Variants in STK3 observed in about 807,000 individuals in gnomAD.
STK3 encodes serine/threonine kinase 3, also known as serine/threonine-protein kinase 3.
Under a neutral mutation model 58.0 loss-of-function variants are expected in STK3, and 41 were observed. The observed-to-expected ratio is 0.71, with a 90% confidence interval of 0.55 to 0.92. The LOEUF is 0.92. STK3 is among the 40% of genes least tolerant of loss of function. The pLI is 0.00. For synonymous variants in STK3, 170 were observed against 191.0 expected, an observed-to-expected ratio of 0.89 and a Z score of 0.91; for missense variants, 479 against 602.7, an observed-to-expected ratio of 0.79 and a Z score of 2.15.
At chr8:98,368,182 C>T (rs149010331), downstream of STK3, among the ~76,000 whole-genome samples, 2,893 of 152,286 alleles carry the variant, frequency 0.019, 112 homozygotes, top group African/African-American at 0.065. Context: ...GTGAAAACTA[C>T]GTCAGTTACT....
intron 4 of STK3, among the ~76,000 whole-genome samples, chr8:98,712,867 T>A (rs1826616518): frequency 6.6e-6 from 1 of 152,120 alleles, no homozygotes; most frequent in Admixed American, 6.5e-5. Flanking sequence ...ATTACAAAAT[T>A]GACCACATAG....
intron 1 of STK3, among the ~76,000 whole-genome samples, chr8:98,886,003 C>G (rs1386201518): frequency 1.3e-5 from 2 of 152,054 alleles, no homozygotes; most frequent in African/African-American, 4.8e-5. Flanking sequence ...CTTAAAATGA[C>G]CAGATGATAG....
chr8:98,406,656 C>A (rs1179136789), intron 3 of STK3, among the ~76,000 whole-genome samples: 1 of 152,174 alleles, frequency 6.6e-6, no homozygotes, highest in Non-Finnish European at 1.5e-5. Flanking sequence ...CTGGCTCTAG[C>A]CTGACTGAGA....
intron 6 of STK3, among the ~76,000 whole-genome samples, chr8:98,629,915 T>C (rs773822051): frequency 6.6e-6 from 1 of 152,150 alleles, no homozygotes; most frequent in African/African-American, 2.4e-5. Flanking sequence ...TCTGGGACTA[T>C]TAGAATAGTC....
chr8:98,710,525 C>T (rs961758487), intron 4 of STK3, among the ~76,000 whole-genome samples: 9 of 152,210 alleles, frequency 5.9e-5, no homozygotes, highest in African/African-American at 2.2e-4. Flanking sequence ...GTCCTACACC[C>T]ATGGAGCCTC....
At chr8:98,561,385 T>C (rs920225704) in intron 8 of STK3, among the ~76,000 whole-genome samples, 1 of 151,218 alleles carries the variant, frequency 6.6e-6, no homozygotes, top group African/African-American at 2.4e-5. Context: ...CCATATAACA[T>C]GCAAAACCAT....
At chr8:98,630,460 A>T (rs1339732583) in intron 6 of STK3, among the ~76,000 whole-genome samples, 1 of 152,012 alleles carries the variant, frequency 6.6e-6, no homozygotes, top group Non-Finnish European at 1.5e-5. Flanking sequence ...TGGGCAACAC[A>T]ATGAGACCCC....
intron 1 of STK3, among the ~76,000 whole-genome samples, chr8:98,449,342 T>C (rs1234949221): frequency 2.6e-5 from 4 of 152,210 alleles, no homozygotes; most frequent in Non-Finnish European, 2.9e-5. Context: ...TGCCTCCAGA[T>C]AGTTCCTTTA....
At chr8:98,680,535 C>T (rs555334048) in intron 6 of STK3, among the ~76,000 whole-genome samples, 2 of 152,200 alleles carry the variant, frequency 1.3e-5, no homozygotes, top group East Asian at 3.8e-4. Context: ...CTTACTACAG[C>T]TGCCAGGTAA....
At chr8:98,825,430 C>T in intron 1 of STK3, 85 bp downstream of exon 1, 1 of 1,257,800 alleles carries the variant, frequency 8.0e-7, no homozygotes, top group Non-Finnish European at 1.0e-6. Flanking sequence ...CGGGGAGAGG[C>T]TCGCAGCAGG....
At chr8:98,937,847 C>T (rs16897135) in intron 1 of STK3, among the ~76,000 whole-genome samples, 1 of 152,212 alleles carries the variant, frequency 6.6e-6, no homozygotes, top group Admixed American at 6.5e-5. Flanking sequence ...AAATATTGGC[C>T]TTGGCATTTC....
At chr8:98,838,983 TTG>T (rs1377000842) in intron 3 of STK3, among the ~76,000 whole-genome samples, 3 of 137,530 alleles carry the variant, frequency 2.2e-5, no homozygotes, top group Non-Finnish European at 3.2e-5. Context: ...TTTTGTTTGT[TTG>T]TTTTGTGTGT....
At chr8:98,430,657 T>A (rs1288048197) in intron 3 of STK3, 1 of 167,116 alleles carries the variant, frequency 6.0e-6, no homozygotes, top group Admixed American at 6.5e-5. Flanking sequence ...AATATAGACG[T>A]GCACGATGGT....
rs561306384 is a variant in STK3, at chr8:98,589,453, C to G, written c.822+6579G>C. 1.4e-4 allele frequency among the ~76,000 whole-genome samples: 21 copies of G among 152,340 alleles called. No homozygotes were observed. The South Asian group carries it at 1.4e-3, about 11-fold the overall frequency. The stretch of plus-strand genomic sequence containing the variant: ...ACCCACTTAAGGAGGCAGTCTGCCC[C>G]TTCTCAGATCTCCAGCTGCATACTG... On this transcript the variant is annotated intron_variant, in intron 7 of 10. Transcript: ENST00000419617.
the STK3 span, among the ~76,000 whole-genome samples, chr8:98,363,636 C>G: frequency 6.6e-6 from 1 of 152,246 alleles, no homozygotes; most frequent in Non-Finnish European, 1.5e-5. Flanking sequence ...CTCCAGTCCT[C>G]AAGGAACATG....
intron 10 of STK3, among the ~76,000 whole-genome samples, chr8:98,496,669 A>G (rs757751879): frequency 3.3e-5 from 5 of 152,192 alleles, no homozygotes; most frequent in Non-Finnish European, 7.4e-5. Flanking sequence ...GTCACACTAC[A>G]ATATTGATGA....
chr8:98,663,709 A>G (rs994106581), intron 6 of STK3, among the ~76,000 whole-genome samples: 2 of 152,316 alleles, frequency 1.3e-5, no homozygotes, highest in African/African-American at 4.8e-5. Context: ...TGATGAGTTC[A>G]TGTCCTTTGT....
At chr8:98,344,759 G>A in the STK3 span, among the ~76,000 whole-genome samples, 1 of 150,326 alleles carries the variant, frequency 6.7e-6, no homozygotes, top group African/African-American at 2.4e-5. Context: ...CGGGCGTAGT[G>A]GCGGGCGCCT....
chr8:98,617,067 G>T (rs1357629551), intron 6 of STK3, among the ~76,000 whole-genome samples: 3 of 151,154 alleles, frequency 2.0e-5, no homozygotes, highest in East Asian at 1.9e-4. Context: ...TGGAAGTAAA[G>T]CTCTCCTCAG....
Sources: gnomAD v4.1 joint callset for allele counts (sites outside exome capture counted in the v4.1 genomes callset) on GRCh38, gnomAD v4.1.1 for gene constraint, MANE v1.5 for transcripts, NCBI Gene and HGNC (gene_info 2026-07-23, HGNC 2026-07-21) for gene names.